The following TXLNB variants were observed in gnomAD, a reference collection of about 807,000 sequenced individuals.
TXLNB encodes the protein taxilin beta, also known as beta-taxilin.
In TXLNB, 37 loss-of-function variants were observed where a neutral mutation model predicts 57.4. That is an observed-to-expected ratio of 0.64 (90% CI 0.50 to 0.85). The LOEUF (loss-of-function observed/expected upper bound fraction) is 0.85, where lower values mean the gene tolerates loss of function less well. TXLNB is among the 40% of genes least tolerant of loss of function. The pLI, the probability that TXLNB is intolerant of heterozygous loss-of-function variation, is 0.00. For missense variants in TXLNB, 848 were observed against 825.6 expected (o/e 1.03, Z -0.33); for synonymous variants, 302 against 309.6 (o/e 0.98, Z 0.26).
intron 3 of TXLNB, among the ~76,000 whole-genome samples, chr6:139,273,909 T>A (rs1334559025): frequency 6.6e-6 from 1 of 152,236 alleles, no homozygotes; most frequent in Non-Finnish European, 1.5e-5. Flanking sequence ...CCCTCTAGGT[T>A]CTTACTGCCT....
chr6:139,302,174 A>G, the TXLNB span, among the ~76,000 whole-genome samples: 1 of 152,172 alleles, frequency 6.6e-6, no homozygotes, highest in African/African-American at 2.4e-5. Context: ...GTTGAATATC[A>G]TATGAATTAA....
upstream of TXLNB, among the ~76,000 whole-genome samples, chr6:139,294,906 T>G (rs1777363511): frequency 6.6e-6 from 1 of 152,078 alleles, no homozygotes; most frequent in African/African-American, 2.4e-5. Flanking sequence ...GGAGAATCAT[T>G]TGAACCCAGG....
the TXLNB span, among the ~76,000 whole-genome samples, chr6:139,195,195 A>G: frequency 6.6e-6 from 1 of 152,142 alleles, no homozygotes; most frequent in Admixed American, 6.5e-5. Flanking sequence ...AGTCCTTCTC[A>G]CATTGCATCA....
chr6:139,166,462 C>T, the TXLNB span: 12 of 1,614,166 alleles, frequency 7.4e-6, no homozygotes, highest in Non-Finnish European at 8.5e-6. Context: ...GCATCGGCCG[C>T]GCGCGCAGCT....
At position 139,243,301 on chromosome 6, in the gene TXLNB, G is replaced by C; in HGVS notation, c.1280C>G (p.Ala427Gly). Residue 427 changes from alanine to glycine, a missense_variant, in exon 10 of 10, where the codon GCT becomes GGT. Coordinates refer to ENST00000358430, the MANE Select transcript of TXLNB (RefSeq NM_153235.4). ...LDMIEEKALR[A>G]KEYECFVMKI... is the part of the protein sequence containing the mutation. ...CATCACAAAGCACTCATATTCTTTAGCTCTCAGTGCTTTCTGTGATGTGAA... is the reference window on the plus strand; with the variant it reads ...CATCACAAAGCACTCATATTCTTTACCTCTCAGTGCTTTCTGTGATGTGAA... The C allele has an allele frequency of 5.0e-6, 8 of 1,608,424 alleles. No homozygotes were observed. The highest frequency in any genetic ancestry group is 6.8e-6 in the Non-Finnish European group (8 of 1,179,186).
the TXLNB span, among the ~76,000 whole-genome samples, chr6:139,312,480 C>T: frequency 5.3e-3 from 801 of 152,250 alleles, 2 homozygotes; most frequent in Non-Finnish European, 8.6e-3. Flanking sequence ...TGCCACCTCT[C>T]GTAGTGTTTG....
chr6:139,255,741 C>T (rs1776321372), intron 6 of TXLNB, 103 bp from the exon 7 acceptor site: 2 of 824,418 alleles, frequency 2.4e-6, no homozygotes, highest in African/African-American at 1.8e-5. Context: ...TCATTAACCT[C>T]CTTAAGTAAT....
intron 2 of TXLNB, among the ~76,000 whole-genome samples, chr6:139,278,504 C>T (rs1425883498): frequency 6.6e-6 from 1 of 152,198 alleles, no homozygotes; most frequent in African/African-American, 2.4e-5. Context: ...TGGGTTATCC[C>T]TCTACTGACA....
the TXLNB span, chr6:139,165,944 T>C: frequency 9.7e-6 from 2 of 205,314 alleles, no homozygotes; most frequent in African/African-American, 4.6e-5. Context: ...ACAATTAGTT[T>C]GATTCAATAT....
the TXLNB span, among the ~76,000 whole-genome samples, chr6:139,218,426 G>C: frequency 2.6e-5 from 4 of 152,116 alleles, no homozygotes; most frequent in East Asian, 7.7e-4. Context: ...CAGATACTTA[G>C]GGCATCTGCA....
the TXLNB span, among the ~76,000 whole-genome samples, chr6:139,163,241 C>T: frequency 6.6e-6 from 1 of 152,152 alleles, no homozygotes; most frequent in African/African-American, 2.4e-5. Flanking sequence ...AGCTGCTAGA[C>T]ATCTTACAGG....
chr6:139,163,600 C>T, the TXLNB span, among the ~76,000 whole-genome samples: 2 of 152,248 alleles, frequency 1.3e-5, no homozygotes, highest in African/African-American at 2.4e-5. Context: ...GTGATCCACC[C>T]GCCACGGCCT....
chr6:139,285,257 AACACACACACAC>A (rs57409101), intron 2 of TXLNB, among the ~76,000 whole-genome samples: 7,146 of 120,042 alleles, frequency 0.06, 964 homozygotes, highest in African/African-American at 0.17. Context: ...CTTTCCCCTC[AACACACACACAC>A]ACACACACAC....
chr6:139,314,115 A>T, the TXLNB span, among the ~76,000 whole-genome samples: 10,782 of 152,250 alleles, frequency 0.071, 916 homozygotes, highest in African/African-American at 0.2. Context: ...GATTGCTTAG[A>T]CATATTTTGA....
At chr6:139,190,999 T>C in the TXLNB span, among the ~76,000 whole-genome samples, 12 of 152,110 alleles carry the variant, frequency 7.9e-5, no homozygotes, top group Non-Finnish European at 1.6e-4. Flanking sequence ...CCCTGTACTG[T>C]ATAGAAAGGG....
the TXLNB span, among the ~76,000 whole-genome samples, chr6:139,219,982 T>C: frequency 1.3e-5 from 2 of 152,240 alleles, no homozygotes; most frequent in Non-Finnish European, 2.9e-5. Context: ...CAGCTGAATC[T>C]CAACTGATAT....
the TXLNB span, among the ~76,000 whole-genome samples, chr6:139,171,921 T>C: frequency 6.6e-6 from 1 of 151,966 alleles, no homozygotes; most frequent in African/African-American, 2.4e-5. Context: ...AGCCTTTGCT[T>C]CTGGGTTCAA....
the TXLNB span, among the ~76,000 whole-genome samples, chr6:139,212,340 A>G: frequency 6.6e-6 from 1 of 152,196 alleles, no homozygotes; most frequent in South Asian, 2.1e-4. Context: ...TCTTAAAGAA[A>G]AGAATTTTCA....
intron 6 of TXLNB, among the ~76,000 whole-genome samples, chr6:139,258,832 G>C (rs1227733424): frequency 6.6e-6 from 1 of 152,164 alleles, no homozygotes; most frequent in Non-Finnish European, 1.5e-5. Flanking sequence ...ACGCACATAA[G>C]ATCAAAACAC....
Sources: allele counts gnomAD v4.1 joint callset (sites outside exome capture counted in the v4.1 genomes callset), GRCh38; gene constraint gnomAD v4.1.1; transcripts MANE v1.5; gene names NCBI Gene and HGNC (gene_info 2026-07-23, HGNC 2026-07-21).